The following ASTN2 variants were observed in gnomAD, a reference collection of about 807,000 sequenced individuals.
The protein encoded by ASTN2 is astrotactin 2.
A neutral mutation model predicts 139.8 loss-of-function variants in ASTN2; 54 were observed. The ratio of observed to expected loss-of-function variants is 0.39; its 90% CI spans 0.31 to 0.48. The LOEUF is 0.48. Ranked by LOEUF, ASTN2 falls within the 20% of genes least tolerant of loss-of-function variation. The pLI, the probability that ASTN2 is intolerant of heterozygous loss-of-function variation, is 0.95. For synonymous variants in ASTN2, 756 were observed against 719.5 expected (o/e 1.05, Z -0.81); for missense variants, 1,565 against 1,725.1 (o/e 0.91, Z 1.64).
At chr9:116,767,016 A>C (rs1398260665) in intron 13 of ASTN2, among the ~76,000 whole-genome samples, 1 of 152,080 alleles carries the variant, frequency 6.6e-6, no homozygotes, top group East Asian at 1.9e-4. Context: ...ACACATTCAC[A>C]CTCACACATA....
At chr9:117,125,534 C>G (rs377432098) in intron 4 of ASTN2, among the ~76,000 whole-genome samples, 2 of 152,144 alleles carry the variant, frequency 1.3e-5, no homozygotes, top group African/African-American at 4.8e-5. Context: ...CATTTTCATT[C>G]TGTTAAATCT....
chr9:116,492,737 G>C (rs921003655), intron 19 of ASTN2, among the ~76,000 whole-genome samples: 23 of 152,178 alleles, frequency 1.5e-4, no homozygotes, highest in African/African-American at 5.3e-4. Flanking sequence ...CACTGTGCTA[G>C]GTACATGGTT....
At chr9:117,330,177 T>TG (rs1828656223) in intron 1 of ASTN2, among the ~76,000 whole-genome samples, 2 of 152,168 alleles carry the variant, frequency 1.3e-5, no homozygotes, top group Non-Finnish European at 2.9e-5. Context: ...CAAGTCAACC[T>TG]GGATGCTCCC....
chr9:116,899,119 T>C (rs1180664440), intron 10 of ASTN2, among the ~76,000 whole-genome samples: 1 of 152,216 alleles, frequency 6.6e-6, no homozygotes, highest in Non-Finnish European at 1.5e-5. Flanking sequence ...TGAGCAACCA[T>C]TCAGCTACAC....
At chr9:117,248,974 A>G (rs1047561677) in intron 2 of ASTN2, among the ~76,000 whole-genome samples, 1 of 152,148 alleles carries the variant, frequency 6.6e-6, no homozygotes, top group African/African-American at 2.4e-5. Flanking sequence ...CATATGTACA[A>G]TGGGATGATT....
Position 116,842,565 on chromosome 9 carries a change from C to A in ASTN2, c.2040+21018G>T, listed in dbSNP as rs182956372. 1.4e-4 allele frequency among the ~76,000 whole-genome samples: 21 copies of A among 152,094 alleles called. 1 individual carries two copies. The highest frequency in any genetic ancestry group is 5.1e-4 in the African/African-American group (21 of 41,492). ...GTCCCCAGTCCCCCACCCCTCTTGC[C>A]ACTCAGCCTCAATCTGTCAACCAGG... On this transcript the variant is annotated intron_variant, in intron 11 of 22. Transcript: ENST00000313400.
intron 3 of ASTN2, among the ~76,000 whole-genome samples, chr9:117,191,340 A>T (rs10122023): frequency 0.36 from 54,229 of 151,926 alleles, 9,776 homozygotes; most frequent in East Asian, 0.42. Flanking sequence ...ATTAAATAAA[A>T]ATGCAAGATA....
At chr9:116,517,806 T>G (rs1182418204) in intron 19 of ASTN2, among the ~76,000 whole-genome samples, 1 of 151,960 alleles carries the variant, frequency 6.6e-6, no homozygotes, top group African/African-American at 2.4e-5. Flanking sequence ...ACAGCATAAA[T>G]AAGAAACAAT....
intron 19 of ASTN2, among the ~76,000 whole-genome samples, chr9:116,507,130 C>T (rs1442024811): frequency 6.6e-6 from 1 of 152,174 alleles, no homozygotes; most frequent in Non-Finnish European, 1.5e-5. Flanking sequence ...CATTGTGATG[C>T]TCATTTTGAA....
chr9:117,408,438 T>G (rs1049997380), intron 1 of ASTN2, among the ~76,000 whole-genome samples: 1 of 152,006 alleles, frequency 6.6e-6, no homozygotes, highest in Non-Finnish European at 1.5e-5. Flanking sequence ...GTGGTGACAG[T>G]TTTCCAGACT....
intron 1 of ASTN2, among the ~76,000 whole-genome samples, chr9:117,308,652 A>G (rs1835063536): frequency 6.6e-6 from 1 of 152,194 alleles, no homozygotes; most frequent in East Asian, 1.9e-4. Flanking sequence ...ATAAGAAGAG[A>G]AAGTTTGGGG....
chr9:117,095,379 G>T (rs903729957), intron 5 of ASTN2, among the ~76,000 whole-genome samples: 2 of 152,198 alleles, frequency 1.3e-5, no homozygotes, highest in Non-Finnish European at 2.9e-5. Flanking sequence ...AGACCTTTGT[G>T]GAGTCCTGCT....
intron 11 of ASTN2, among the ~76,000 whole-genome samples, chr9:116,860,765 C>G (rs893331928): frequency 2.6e-5 from 4 of 152,218 alleles, no homozygotes; most frequent in South Asian, 2.1e-4. Flanking sequence ...TTTCCACATT[C>G]CTGAGGGAAT....
intron 19 of ASTN2, among the ~76,000 whole-genome samples, chr9:116,565,412 TATATATATATATATA>T (rs1564120514): frequency 7.9e-6 from 1 of 127,282 alleles, no homozygotes; most frequent in Non-Finnish European, 1.6e-5. Context: ...TATATATATA[TATATATATATATATA>T]TATTTATTTA....
At chr9:117,098,923 C>G (rs1564425017) in intron 4 of ASTN2, among the ~76,000 whole-genome samples, 1 of 151,860 alleles carries the variant, frequency 6.6e-6, no homozygotes, top group African/African-American at 2.4e-5. Context: ...GCCTGGGCAA[C>G]ACGGTGAAAC....
intron 20 of ASTN2, among the ~76,000 whole-genome samples, chr9:116,469,408 C>T (rs543991988): frequency 6.6e-6 from 1 of 152,194 alleles, no homozygotes; most frequent in East Asian, 1.9e-4. Context: ...ACTGGCTCCT[C>T]CCAGCAGAAT....
chr9:117,138,401 G>A (rs1179140959), intron 4 of ASTN2, among the ~76,000 whole-genome samples: 1 of 152,158 alleles, frequency 6.6e-6, no homozygotes, highest in Non-Finnish European at 1.5e-5. Flanking sequence ...GCTAAAGAAG[G>A]AACCGTTTGC....
intron 7 of ASTN2, among the ~76,000 whole-genome samples, chr9:117,002,046 G>C (rs1030829377): frequency 6.6e-6 from 1 of 152,096 alleles, no homozygotes; most frequent in Non-Finnish European, 1.5e-5. Context: ...AATATATTTA[G>C]GGATCTTATG....
intron 16 of ASTN2, among the ~76,000 whole-genome samples, chr9:116,683,178 C>T (rs1859994399): frequency 6.6e-6 from 1 of 151,906 alleles, no homozygotes; most frequent in South Asian, 2.1e-4. Flanking sequence ...AACAGGCCCT[C>T]TTAAATGCAG....
Sources: gnomAD v4.1 joint callset for allele counts (sites outside exome capture counted in the v4.1 genomes callset) on GRCh38, gnomAD v4.1.1 for gene constraint, MANE v1.5 for transcripts, NCBI Gene and HGNC (gene_info 2026-07-23, HGNC 2026-07-21) for gene names.